Variants in CHODL observed in about 807,000 individuals in gnomAD.
The protein encoded by CHODL is chondrolectin, also known as transmembrane protein MT75.
In CHODL, 29 loss-of-function variants were observed where a neutral mutation model predicts 34.5. The ratio of observed to expected loss-of-function variants is 0.84; its 90% confidence interval spans 0.63 to 1.15. The LOEUF (loss-of-function observed/expected upper bound fraction) is 1.15, where lower values mean the gene tolerates loss of function less well. CHODL is among the 50% of genes most tolerant of loss of function. The pLI, the probability that CHODL is intolerant of heterozygous loss-of-function variation, is 0.00. For synonymous variants in CHODL, 125 were observed against 116.1 expected (o/e 1.08, Z -0.49); for missense variants, 332 against 332.5 (o/e 1.00, Z 0.01).
intron 2 of CHODL, among the ~76,000 whole-genome samples, chr21:18,142,219 G>A (rs1006602389): frequency 3.4e-5 from 5 of 148,864 alleles, no homozygotes; most frequent in Non-Finnish European, 5.9e-5. Flanking sequence ...GCATTGTCCC[G>A]GGAGAGAGAT....
chr21:18,149,498 A>G (rs906649057), intron 2 of CHODL, among the ~76,000 whole-genome samples: 1 of 152,110 alleles, frequency 6.6e-6, no homozygotes, highest in Non-Finnish European at 1.5e-5. Flanking sequence ...TGTCTATGTG[A>G]ACATCCTTCT....
intron 2 of CHODL, among the ~76,000 whole-genome samples, chr21:18,098,344 G>T (rs997114352): frequency 2.0e-5 from 3 of 151,686 alleles, no homozygotes; most frequent in Admixed American, 6.6e-5. Context: ...ATATATAGGG[G>T]CCTCAATAAC....
At chr21:18,119,293 G>T (rs2065451086) in intron 2 of CHODL, among the ~76,000 whole-genome samples, 1 of 151,740 alleles carries the variant, frequency 6.6e-6, no homozygotes, top group South Asian at 2.1e-4. Flanking sequence ...CCAAAGTCAG[G>T]CTGAGAGGTA....
chr21:18,237,007 A>G (rs892392161), intron 2 of CHODL, among the ~76,000 whole-genome samples: 1 of 152,154 alleles, frequency 6.6e-6, no homozygotes, highest in African/African-American at 2.4e-5. Flanking sequence ...CATAATTTAT[A>G]CAGCTAACTA....
chr21:18,075,482 TCAC>T (rs968935504), intron 2 of CHODL, among the ~76,000 whole-genome samples: 1 of 152,108 alleles, frequency 6.6e-6, no homozygotes, highest in African/African-American at 2.4e-5. Flanking sequence ...TGACCCTTCA[TCAC>T]CACTCCTTAC....
chr21:18,082,375 A>G (rs1042233290), intron 2 of CHODL, among the ~76,000 whole-genome samples: 1 of 152,156 alleles, frequency 6.6e-6, no homozygotes, highest in Non-Finnish European at 1.5e-5. Flanking sequence ...GTAGTTCTTT[A>G]TAGAAGTGTG....
At chr21:18,204,816 T>G (rs904229470) in intron 2 of CHODL, among the ~76,000 whole-genome samples, 2 of 152,178 alleles carry the variant, frequency 1.3e-5, no homozygotes, top group Admixed American at 6.5e-5. Context: ...ATTCAATTTT[T>G]CAAAATATAT....
At chr21:18,188,498 A>G (rs1477970437) in intron 2 of CHODL, among the ~76,000 whole-genome samples, 1 of 152,246 alleles carries the variant, frequency 6.6e-6, no homozygotes, top group Non-Finnish European at 1.5e-5. Flanking sequence ...TATATGATTC[A>G]AACAAAATAG....
At chr21:18,106,155 C>A (rs1438644211) in intron 2 of CHODL, among the ~76,000 whole-genome samples, 1 of 152,126 alleles carries the variant, frequency 6.6e-6, no homozygotes, top group East Asian at 1.9e-4. Flanking sequence ...CAAAGTTCTT[C>A]CTTGATTTGT....
intron 2 of CHODL, chr21:18,134,210 G>T (rs1022564338): frequency 1.1e-5 from 5 of 446,728 alleles, no homozygotes; most frequent in Non-Finnish European, 2.3e-5. Context: ...TCATGATGAG[G>T]TTACCACTCT....
chr21:18,092,593 C>G (rs2065087290), intron 2 of CHODL, among the ~76,000 whole-genome samples: 1 of 152,050 alleles, frequency 6.6e-6, no homozygotes, highest in South Asian at 2.1e-4. Context: ...AAAATGAATT[C>G]AGGATTCTAT....
chr21:18,057,640 CT>C (rs1041586689), intron 2 of CHODL, among the ~76,000 whole-genome samples: 2 of 151,976 alleles, frequency 1.3e-5, no homozygotes, highest in Non-Finnish European at 2.9e-5. Flanking sequence ...AAAAAACCCC[CT>C]GTGCCCTGCC....
intron 2 of CHODL, among the ~76,000 whole-genome samples, chr21:18,132,004 C>G (rs1179950546): frequency 6.6e-6 from 1 of 151,954 alleles, no homozygotes; most frequent in Non-Finnish European, 1.5e-5. Context: ...TGCTTTACAT[C>G]AATACAGAAA....
intron 2 of CHODL, among the ~76,000 whole-genome samples, chr21:18,135,344 AT>A (rs76453342): frequency 7.2e-4 from 108 of 150,112 alleles, no homozygotes; most frequent in African/African-American, 2.2e-3. Context: ...TGAGTTATTG[AT>A]TTTTTTTTTC....
upstream of CHODL, among the ~76,000 whole-genome samples, chr21:18,242,608 G>A (rs11911160): frequency 0.034 from 5,088 of 151,750 alleles, 278 homozygotes; most frequent in African/African-American, 0.12. Context: ...TTGTCAGCCA[G>A]TCACCTTAAA....
intron 2 of CHODL, among the ~76,000 whole-genome samples, chr21:18,107,075 A>G (rs1460066177): frequency 1.3e-5 from 2 of 152,214 alleles, no homozygotes; most frequent in South Asian, 2.1e-4. Context: ...TAGTCCATCT[A>G]AGGGAAGTAC....
intron 2 of CHODL, among the ~76,000 whole-genome samples, chr21:18,039,632 C>T (rs1410922367): frequency 6.6e-6 from 1 of 151,626 alleles, no homozygotes; most frequent in African/African-American, 2.4e-5. Context: ...CTTGCTTTGA[C>T]AATATGGCTT....
intron 1 of CHODL, among the ~76,000 whole-genome samples, chr21:17,975,853 A>G (rs1311344540): frequency 6.6e-6 from 1 of 152,110 alleles, no homozygotes; most frequent in African/African-American, 2.4e-5. Flanking sequence ...CAAGGACCAC[A>G]AGGGCCCTCA....
intron 2 of CHODL, among the ~76,000 whole-genome samples, chr21:18,031,282 G>C (rs757065635): frequency 3.3e-5 from 5 of 152,066 alleles, no homozygotes; most frequent in Admixed American, 6.6e-5. Flanking sequence ...TAACCTGTGG[G>C]AGATTCCTTA....
Sources: allele counts gnomAD v4.1 joint callset (sites outside exome capture counted in the v4.1 genomes callset), GRCh38; gene constraint gnomAD v4.1.1; transcripts MANE v1.5; gene names NCBI Gene and HGNC (gene_info 2026-07-23, HGNC 2026-07-21).